Variants in SYN3 observed in about 807,000 individuals in gnomAD.
SYN3 encodes the protein synapsin III, also known as synapsin-3.
A neutral mutation model predicts 65.8 loss-of-function variants in SYN3; 35 were observed. The ratio of observed to expected loss-of-function variants is 0.53; its 90% CI spans 0.41 to 0.70. SYN3 has a LOEUF of 0.70. Among genes scored for constraint, SYN3 ranks in the 30% least tolerant of loss-of-function variants. The pLI, the probability that SYN3 is intolerant of heterozygous loss-of-function variation, is 0.00. For synonymous variants in SYN3, 270 were observed against 292.9 expected (o/e 0.92, Z 0.80); for missense variants, 680 against 749.0 (o/e 0.91, Z 1.08).
Position 32,749,714 on chromosome 22 carries a change from T to G in SYN3, c.711+115201A>C, listed in dbSNP as rs188766481. On this transcript the variant is annotated intron_variant, in intron 6 of 13. Coordinates refer to ENST00000358763, the MANE Select transcript of SYN3 (RefSeq NM_003490.4). ...GACACAAACATTCAGTCTACGGCAT[T>G]AGTCTTCTCTGAAGATCCCTGCTTT... Among the ~76,000 whole-genome samples, 44 of 152,294 alleles carry G rather than the reference T, an allele frequency of 2.9e-4. 1 individual carries two copies. The highest frequency in any genetic ancestry group is 2.6e-3 in the Admixed American group (40 of 15,290).
intron 6 of SYN3, among the ~76,000 whole-genome samples, chr22:32,665,367 G>A (rs2060276488): frequency 6.6e-6 from 1 of 151,750 alleles, no homozygotes; most frequent in Non-Finnish European, 1.5e-5. Flanking sequence ...AGGAACATAT[G>A]ATGTTTGGTT....
intron 1 of SYN3, among the ~76,000 whole-genome samples, chr22:33,033,717 G>A (rs1399493101): frequency 6.6e-6 from 1 of 152,018 alleles, no homozygotes; most frequent in African/African-American, 2.4e-5. Context: ...GATTCCTGTG[G>A]AATAATAGCA....
chr22:32,852,348 AC>A (rs2048243361), intron 6 of SYN3, among the ~76,000 whole-genome samples: 1 of 152,144 alleles, frequency 6.6e-6, no homozygotes, highest in Admixed American at 6.5e-5. Flanking sequence ...TTCCCAGGGA[AC>A]AAAAAGAGGT....
At chr22:33,021,610 ACT>A (rs1569410126) in intron 1 of SYN3, among the ~76,000 whole-genome samples, 1 of 151,316 alleles carries the variant, frequency 6.6e-6, no homozygotes, top group African/African-American at 2.4e-5. Context: ...TTCATCTGGA[ACT>A]CTCTGTCTAC....
At chr22:32,811,096 T>C (rs1235584931) in intron 6 of SYN3, among the ~76,000 whole-genome samples, 3 of 151,200 alleles carry the variant, frequency 2.0e-5, no homozygotes, top group African/African-American at 7.3e-5. Flanking sequence ...ACTGAGACAG[T>C]TGAAAGGGCA....
rs890458925 is a variant in SYN3 at position 32,512,174 on chromosome 22, C to G, written c.*1518G>C. 6.6e-6 allele frequency among the ~76,000 whole-genome samples: 1 copy of G among 152,210 alleles called. No homozygotes were observed. The highest frequency in any genetic ancestry group is 1.5e-5 in the Non-Finnish European group (1 of 68,038). ...TGATTGCTTTTATGCTCCTGGGAAC[C>G]TGGATGGATCTTGGCTGATTACCAA... On this transcript the variant is annotated 3_prime_UTR_variant, in exon 14 of 14. Coordinates refer to ENST00000358763, the MANE Select transcript of SYN3 (RefSeq NM_003490.4).
At chr22:32,796,247 C>T (rs182703191) in intron 6 of SYN3, among the ~76,000 whole-genome samples, 6 of 152,218 alleles carry the variant, frequency 3.9e-5, no homozygotes, top group Admixed American at 3.3e-4. Context: ...AAAACAAGAG[C>T]TGGAATATTT....
chr22:32,786,750 T>A lies in SYN3; in HGVS notation c.711+78165A>T, dbSNP rs534334848. ...ATCTGGGTAAAAGGTATCTGGTAAT[T>A]CTCTGAACTATTCCTGCAGCTTTTC... On this transcript the variant is annotated intron_variant, in intron 6 of 13. Transcript: ENST00000358763. Among the ~76,000 whole-genome samples the A allele has an allele frequency of 2.3e-4, 35 of 152,340 alleles. No homozygotes were observed. In the South Asian group the frequency reaches 7.2e-3, roughly 32 times the overall value.
At chr22:32,735,991 A>T (rs1270916559) in intron 6 of SYN3, among the ~76,000 whole-genome samples, 1 of 152,194 alleles carries the variant, frequency 6.6e-6, no homozygotes, top group African/African-American at 2.4e-5. Context: ...TGGTGGGGAG[A>T]GGAGGGGGCC....
intron 4 of SYN3, among the ~76,000 whole-genome samples, chr22:32,927,414 A>ATT (rs5845053): frequency 9.9e-5 from 15 of 151,192 alleles, no homozygotes; most frequent in Non-Finnish European, 1.8e-4. Flanking sequence ...GATTTCTGCT[A>ATT]TTTTTTTGTA....
At chr22:32,645,617 C>T (rs996816368) in intron 6 of SYN3, among the ~76,000 whole-genome samples, 5 of 152,098 alleles carry the variant, frequency 3.3e-5, no homozygotes, top group African/African-American at 1.2e-4. Flanking sequence ...TAATTGTTTC[C>T]ACCTGGTATG....
At chr22:32,668,527 C>T (rs2060321440) in intron 6 of SYN3, among the ~76,000 whole-genome samples, 1 of 151,970 alleles carries the variant, frequency 6.6e-6, no homozygotes, top group Non-Finnish European at 1.5e-5. Context: ...CTTTCTCCTT[C>T]TCCTTCTCCT....
At chr22:32,737,909 A>G (rs1017728682) in intron 6 of SYN3, among the ~76,000 whole-genome samples, 1 of 152,142 alleles carries the variant, frequency 6.6e-6, no homozygotes, top group Non-Finnish European at 1.5e-5. Flanking sequence ...CTGATCATGG[A>G]GGCCATGCGC....
intron 6 of SYN3, among the ~76,000 whole-genome samples, chr22:32,851,498 G>C (rs914062285): frequency 6.6e-6 from 1 of 152,128 alleles, no homozygotes; most frequent in South Asian, 2.1e-4. Context: ...TCCCAGGCTG[G>C]TGGGCTTAGA....
Position 32,646,457 on chromosome 22 carries a change from C to T in SYN3, c.712-49721G>A, listed in dbSNP as rs898848825. ...CTGGGAAGGTGGATGGAGAACCTGACTCATAAGGTCGCTTATTTAGTGTTG... is the reference window on the plus strand; with the variant it reads ...CTGGGAAGGTGGATGGAGAACCTGATTCATAAGGTCGCTTATTTAGTGTTG... On this transcript the variant is annotated intron_variant, in intron 6 of 13. Coordinates refer to ENST00000358763, the MANE Select transcript of SYN3 (RefSeq NM_003490.4). 1.3e-4 allele frequency among the ~76,000 whole-genome samples: 20 copies of T among 152,220 alleles called. No homozygotes were observed. The East Asian group carries it at 1.9e-3, about 15-fold the overall frequency.
At chr22:32,591,224 A>G (rs1029003365) in intron 7 of SYN3, among the ~76,000 whole-genome samples, 9 of 151,910 alleles carry the variant, frequency 5.9e-5, no homozygotes, top group Admixed American at 5.9e-4. Flanking sequence ...ACGGAGACAT[A>G]TGGCTGCATT....
chr22:32,523,383 T>C lies in SYN3; in HGVS notation c.1318+4535A>G, dbSNP rs150313327. ...AAAAAATTAGCTGGGTGTGGTGGCA[T>C]GCACCTGCAGTCCCAGCTACCCGGG... On this transcript the variant is annotated intron_variant, in intron 12 of 13. Transcript: ENST00000358763. Among the ~76,000 whole-genome samples the C allele has an allele frequency of 4.5e-3, 684 of 152,214 alleles. 3 individuals carry two copies. Among genetic ancestry groups the C allele is most frequent in the African/African-American group, 0.016 (663 of 41,556 alleles).
rs1478366962 is a variant in SYN3, at chr22:32,518,446, GTGAAAAAC to G, written c.1319-120_1319-113del. The G allele has an allele frequency of 2.3e-6, 3 of 1,305,288 alleles. No homozygotes were observed. In the African/African-American group the frequency reaches 4.4e-5, roughly 19 times the overall value. The allele number at this position is 1,305,288 out of a possible 1,614,324, so 80.9% of individuals were successfully genotyped here. On this transcript the variant is annotated intron_variant, in intron 12 of 13. Transcript: ENST00000358763. ...GTTCATTACAGTGTTTCTTATAATGGTGAAAAACTGAAAACCGTATAAATACCTAACCA... is the reference window on the plus strand; with the variant it reads ...GTTCATTACAGTGTTTCTTATAATGGTGAAAACCGTATAAATACCTAACCA...
At chr22:32,765,702 T>C (rs2045605754) in intron 6 of SYN3, among the ~76,000 whole-genome samples, 1 of 151,818 alleles carries the variant, frequency 6.6e-6, no homozygotes, top group Admixed American at 6.6e-5. Context: ...AGGCTAGAGA[T>C]AGAGAAGGGG....
Sources: allele counts gnomAD v4.1 joint callset (sites outside exome capture counted in the v4.1 genomes callset), GRCh38; gene constraint gnomAD v4.1.1; transcripts MANE v1.5; gene names NCBI Gene and HGNC (gene_info 2026-07-23, HGNC 2026-07-21).